Variants in ADD3 observed in about 807,000 individuals in gnomAD.
The protein encoded by ADD3 is gamma-adducin.
Under a neutral mutation model 80.2 loss-of-function variants are expected in ADD3, and 25 were observed. The ratio of observed to expected loss-of-function variants is 0.31; its 90% confidence interval spans 0.23 to 0.44. The LOEUF (loss-of-function observed/expected upper bound fraction) is 0.44. ADD3 is among the 20% of genes least tolerant of loss of function. The pLI, the probability that ADD3 is intolerant of heterozygous loss-of-function variation, is 1.00. For synonymous variants in ADD3, 284 were observed against 289.6 expected (o/e 0.98, Z 0.20); for missense variants, 829 against 847.5 (o/e 0.98, Z 0.27).
At chr10:110,131,190 G>C (rs1442169767) in intron 13 of ADD3, among the ~76,000 whole-genome samples, 2 of 152,178 alleles carry the variant, frequency 1.3e-5, no homozygotes, top group Non-Finnish European at 2.9e-5. Context: ...AGTAGGTTGA[G>C]TTTTCTGGCT....
chr10:110,058,554 G>A (rs772538378), intron 1 of ADD3, among the ~76,000 whole-genome samples: 2 of 152,194 alleles, frequency 1.3e-5, no homozygotes, highest in Admixed American at 1.3e-4. Context: ...TGTGAGGACT[G>A]TGGCAACAGT....
At chr10:110,130,510 C>T in intron 13 of ADD3, 24 bp downstream of exon 13, 1 of 1,610,736 alleles carries the variant, frequency 6.2e-7, no homozygotes. Context: ...TACATTCAAC[C>T]TAGGGTAAGC....
Position 110,128,405 on chromosome 10 carries a change from T to A in ADD3, c.1608+1902T>A, listed in dbSNP as rs78389629. On this transcript the variant is annotated intron_variant, in intron 12 of 14. Transcript: ENST00000356080. ...TTTTTTATTTTGATGTTAACTTTTTTAATTTATTTTATTTTATTTATTTTT... is the reference window on the plus strand; with the variant it reads ...TTTTTTATTTTGATGTTAACTTTTTAAATTTATTTTATTTTATTTATTTTT... 9.2e-3 allele frequency among the ~76,000 whole-genome samples: 1,392 copies of A among 151,818 alleles called. 21 individuals are homozygous for A. Among genetic ancestry groups the A allele is most frequent in the African/African-American group, 0.028 (1,171 of 41,482 alleles).
rs1013454475 is a variant in ADD3 at position 110,116,560 on chromosome 10, T to A, written c.486+150T>A. The A allele has an allele frequency of 1.0e-4, 76 of 747,460 alleles. 1 individual carries two copies. Among genetic ancestry groups the A allele is most frequent in the South Asian group, 6.6e-4 (33 of 49,726 alleles). The allele number at this position is 747,460 out of a possible 1,614,324, so 46.3% of individuals were successfully genotyped here. On this transcript the variant is annotated intron_variant, in intron 4 of 14. Transcript: ENST00000356080. The stretch of plus-strand genomic sequence containing the variant: ...CAACCAAATACTGATTTAAACCTTA[T>A]ACCCAAGGGAGAGGCTCCAATTCCC...
At chr10:110,131,831 A>G (rs553216409) in intron 13 of ADD3, among the ~76,000 whole-genome samples, 130 of 152,314 alleles carry the variant, frequency 8.5e-4, no homozygotes, top group South Asian at 2.1e-3. Flanking sequence ...ATATAACTTT[A>G]TAGTAGTTTC....
At chr10:110,060,490 T>C (rs1422467815) in intron 1 of ADD3, among the ~76,000 whole-genome samples, 2 of 152,246 alleles carry the variant, frequency 1.3e-5, no homozygotes, top group African/African-American at 4.8e-5. Flanking sequence ...AGTTGTCTTA[T>C]TTCTTTGCAA....
chr10:110,135,043 A>G lies in ADD3; in HGVS notation c.*1425A>G, dbSNP rs372762943. On this transcript the variant is annotated 3_prime_UTR_variant, in exon 15 of 15. Coordinates refer to ENST00000356080, the MANE Select transcript of ADD3 (RefSeq NM_016824.5). ...TCAATGATCCAGAATGATCGTGGGT[A>G]AAAATAACTCAAAGTGTTTCTTAAG... 7.9e-5 allele frequency: 12 copies of G among 152,362 alleles called. No individual in the cohort carries two copies. Among genetic ancestry groups the G allele is most frequent in the Middle Eastern group, 3.4e-3 (1 of 294 alleles). The allele number at this position is 152,362 out of a possible 1,614,324, so 9.4% of individuals were successfully genotyped here. A position where few individuals can be genotyped will look rare whatever the true frequency, so the allele number is the denominator to read the frequency against.
Position 110,063,723 on chromosome 10 carries a change from AATATATATATTCATTAT to A in ADD3, c.-29-36891_-29-36875del, listed in dbSNP as rs1367993760. Among the ~76,000 whole-genome samples the A allele has an allele frequency of 5.0e-3, 495 of 98,946 alleles. 2 individuals are homozygous for A. The highest frequency in any genetic ancestry group is 0.011 in the Middle Eastern group (2 of 180). 64.9% of individuals were successfully genotyped at this position (98,946 alleles called of 152,430 possible). On this transcript the variant is annotated intron_variant, in intron 1 of 14. Coordinates refer to ENST00000356080, the MANE Select transcript of ADD3 (RefSeq NM_016824.5). Reference sequence around the variant, plus strand: ...ATAACAGTACAGCTTGATGAATATGAATATATATATTCATTATATATATATATATATATATATATATA... The same window carrying A: ...ATAACAGTACAGCTTGATGAATATGAATATATATATATATATATATATATA...
chr10:110,027,966 A>G (rs1348975632), intron 1 of ADD3, among the ~76,000 whole-genome samples: 2 of 152,152 alleles, frequency 1.3e-5, no homozygotes, highest in East Asian at 3.9e-4. Flanking sequence ...TGTGGGGGGA[A>G]GAAAAGTTGG....
At chr10:110,052,341 A>C (rs1857613156) in intron 1 of ADD3, among the ~76,000 whole-genome samples, 1 of 152,138 alleles carries the variant, frequency 6.6e-6, no homozygotes, top group Non-Finnish European at 1.5e-5. Context: ...TGGGCCCCGG[A>C]CCAGTACCTG....
chr10:110,007,174 C>A (rs867332638), upstream of ADD3, among the ~76,000 whole-genome samples: 3 of 152,328 alleles, frequency 2.0e-5, 1 homozygote, highest in Middle Eastern at 6.8e-3. Flanking sequence ...CTTGGCGATG[C>A]CTCGACTTTT....
At chr10:110,114,437 C>A (rs187809997) in intron 3 of ADD3, among the ~76,000 whole-genome samples, 8 of 152,254 alleles carry the variant, frequency 5.3e-5, no homozygotes, top group Admixed American at 1.3e-4. Context: ...AACTCAATGG[C>A]TTTATGCATA....
chr10:110,046,861 A>G (rs569824268), intron 1 of ADD3, among the ~76,000 whole-genome samples: 2 of 152,320 alleles, frequency 1.3e-5, no homozygotes, highest in East Asian at 1.9e-4. Flanking sequence ...TTGAAAAAGA[A>G]TAACACCTTA....
Position 110,119,270 on chromosome 10 carries a change from T to A in ADD3, c.777T>A (p.Asp259Glu). Residue 259 changes from aspartate to glutamate, a missense_variant, in exon 7 of 15, where the codon GAT becomes GAA. Coordinates refer to ENST00000356080, the MANE Select transcript of ADD3 (RefSeq NM_016824.5). ...CTCAAGAGTCTCTTCTTCTGGGAGA[T>A]GTTGCCTATTATGACTACCAAGGGT... Reference protein sequence around the residue: ...PISQESLLLGDVAYYDYQGSL... With the variant: ...PISQESLLLGEVAYYDYQGSL... 1.9e-6 allele frequency: 3 copies of A among 1,614,184 alleles called. No individual in the cohort carries two copies. The highest frequency in any genetic ancestry group is 1.7e-6 in the Non-Finnish European group (2 of 1,180,016).
At chr10:110,035,286 C>T (rs982196727) in intron 1 of ADD3, among the ~76,000 whole-genome samples, 8 of 152,192 alleles carry the variant, frequency 5.3e-5, no homozygotes, top group Non-Finnish European at 8.8e-5. Context: ...TGCTGCTATA[C>T]CTTCATTGAT....
chr10:110,085,780 G>C (rs1372774950), intron 1 of ADD3, among the ~76,000 whole-genome samples: 1 of 152,190 alleles, frequency 6.6e-6, no homozygotes, highest in Non-Finnish European at 1.5e-5. Context: ...CTGCTTGAGA[G>C]TGAGTGGAGT....
At chr10:110,002,934 T>C (rs1056840560), upstream of ADD3, among the ~76,000 whole-genome samples, 7 of 152,212 alleles carry the variant, frequency 4.6e-5, no homozygotes, top group African/African-American at 1.2e-4. Context: ...TTATATCTCC[T>C]TGGGGAATGG....
chr10:110,087,312 A>ATGAGCTACCATGCCTGGTCC (rs1456481365), intron 1 of ADD3, among the ~76,000 whole-genome samples: 1 of 152,098 alleles, frequency 6.6e-6, no homozygotes, highest in Non-Finnish European at 1.5e-5. Context: ...GATTACAGGC[A>ATGAGCTACCATGCCTGGTCC]TGAGCTACCA....
intron 1 of ADD3, among the ~76,000 whole-genome samples, chr10:110,025,351 T>A (rs945105511): frequency 9.2e-5 from 14 of 152,122 alleles, no homozygotes; most frequent in South Asian, 2.1e-4. Context: ...AATATTTTTT[T>A]AATTTTAGTT....
Sources: allele counts gnomAD v4.1 joint callset (sites outside exome capture counted in the v4.1 genomes callset), GRCh38; gene constraint gnomAD v4.1.1; transcripts MANE v1.5; gene names NCBI Gene and HGNC (gene_info 2026-07-23, HGNC 2026-07-21).